The following GNAL variants were observed in gnomAD, a reference collection of about 807,000 sequenced individuals.
GNAL encodes the protein G protein subunit alpha L.
GNAL carries 18 observed loss-of-function variants against 55.1 expected under a neutral mutation model. That is an observed-to-expected ratio of 0.33 (90% CI 0.23 to 0.48). GNAL has a LOEUF of 0.48. Among genes scored for constraint, GNAL ranks in the 20% least tolerant of loss-of-function variants. GNAL has a pLI of 0.99. For synonymous variants in GNAL, 253 were observed against 237.0 expected (o/e 1.07, Z -0.62); for missense variants, 412 against 614.1 (o/e 0.67, Z 3.48).
intron 4 of GNAL, among the ~76,000 whole-genome samples, chr18:11,811,666 T>C (rs1323525817): frequency 6.6e-6 from 1 of 152,232 alleles, no homozygotes; most frequent in Non-Finnish European, 1.5e-5. Context: ...TTTAATTCTA[T>C]AGTCACTGTC....
chr18:11,847,919 G>A (rs988862379), intron 5 of GNAL, among the ~76,000 whole-genome samples: 2 of 152,158 alleles, frequency 1.3e-5, no homozygotes, highest in African/African-American at 2.4e-5. Context: ...ATAAAGAATG[G>A]AAAAAACTTA....
intron 1 of GNAL, among the ~76,000 whole-genome samples, chr18:11,696,945 G>GCACC (rs764022738): frequency 3.9e-5 from 6 of 152,160 alleles, no homozygotes; most frequent in Non-Finnish European, 8.8e-5. Context: ...CCTTGTCCGA[G>GCACC]GCCCTTAGCA....
chr18:11,832,950 G>C (rs1727099529), intron 5 of GNAL, among the ~76,000 whole-genome samples: 1 of 151,850 alleles, frequency 6.6e-6, no homozygotes, highest in Non-Finnish European at 1.5e-5. Context: ...ATATACTGTT[G>C]AACTTATTAA....
chr18:11,778,569 G>A (rs191688151), intron 4 of GNAL, among the ~76,000 whole-genome samples: 1 of 152,250 alleles, frequency 6.6e-6, no homozygotes, highest in Non-Finnish European at 1.5e-5. Flanking sequence ...CTCAGTATCT[G>A]GAGCTTTAGT....
In GNAL at chr18:11,881,217, T is replaced by A; in HGVS notation, c.*82T>A. 1 of 1,328,002 alleles carries A rather than the reference T, an allele frequency of 7.5e-7. No homozygotes were observed. Among genetic ancestry groups the A allele is most frequent in the South Asian group, 1.4e-5 (1 of 72,884 alleles). The allele number at this position is 1,328,002 out of a possible 1,614,324, so 82.3% of individuals were successfully genotyped here. On this transcript the variant is annotated 3_prime_UTR_variant, in exon 12 of 12. Coordinates refer to ENST00000334049, the MANE Select transcript of GNAL (RefSeq NM_182978.4). The surrounding 1 kb of genome is among the most constrained non-coding windows in gnomAD (Gnocchi z 4.8). The stretch of plus-strand genomic sequence containing the variant: ...CCATGCCATGGTAGGAGGCAGAGTC[T>A]CTAGTTCCATCTCGCTGCCGTCTGT...
intron 1 of GNAL, among the ~76,000 whole-genome samples, chr18:11,723,066 C>T (rs1034765701): frequency 6.6e-6 from 1 of 150,912 alleles, no homozygotes; most frequent in African/African-American, 2.4e-5. Flanking sequence ...TGCCTGTAAT[C>T]CCAGCTACTC....
At chr18:11,869,626 A>C (rs2036348365) in intron 9 of GNAL, among the ~76,000 whole-genome samples, 1 of 152,258 alleles carries the variant, frequency 6.6e-6, no homozygotes, top group Non-Finnish European at 1.5e-5. Flanking sequence ...ACAACAAAAA[A>C]TAATACAAGA....
At chr18:11,699,415 A>C (rs2031504415) in intron 1 of GNAL, among the ~76,000 whole-genome samples, 1 of 151,738 alleles carries the variant, frequency 6.6e-6, no homozygotes, top group African/African-American at 2.4e-5. Context: ...GGGTTTTACC[A>C]TGTTGGACAG....
intron 4 of GNAL, among the ~76,000 whole-genome samples, chr18:11,770,313 C>T (rs1223888148): frequency 2.6e-5 from 4 of 152,046 alleles, no homozygotes; most frequent in African/African-American, 9.7e-5. Context: ...ATTAAACTTA[C>T]CTCAATGATT....
intron 5 of GNAL, among the ~76,000 whole-genome samples, chr18:11,837,872 G>A (rs1236198494): frequency 1.3e-5 from 2 of 152,182 alleles, no homozygotes; most frequent in African/African-American, 2.4e-5. Flanking sequence ...TGGGCATGGT[G>A]GCTCACACCT....
intron 11 of GNAL, among the ~76,000 whole-genome samples, chr18:11,880,201 G>A (rs2036637709): frequency 6.6e-6 from 1 of 151,370 alleles, no homozygotes; most frequent in Non-Finnish European, 1.5e-5. Context: ...AGGTTGCAGT[G>A]AGCCGAGATG....
At chr18:11,826,227 G>A (rs2035240055) in intron 5 of GNAL, among the ~76,000 whole-genome samples, 1 of 151,572 alleles carries the variant, frequency 6.6e-6, no homozygotes. Context: ...AGGGGCCCAT[G>A]GCAAGGGCCA....
Position 11,751,759 on chromosome 18 carries a change from C to T in GNAL, c.377-1094C>T, listed in dbSNP as rs1442252717. 4.5e-6 allele frequency: 3 copies of T among 665,192 alleles called. No individual in the cohort carries two copies. Among genetic ancestry groups the T allele is most frequent in the Non-Finnish European group, 5.6e-6 (3 of 536,864 alleles). 41.2% of individuals were successfully genotyped at this position (665,192 alleles called of 1,614,324 possible). A position where few individuals can be genotyped will look rare whatever the true frequency, so the allele number is the denominator to read the frequency against. ...TGGGGGGTCAGCTCCCTGACCCCTA[C>T]AGCGCGGTAGCGCCTCTCCGAGAGC... On this transcript the variant is annotated intron_variant, in intron 1 of 11. Coordinates refer to ENST00000334049, the MANE Select transcript of GNAL (RefSeq NM_182978.4). This position sits in a 1 kb window ranked among gnomAD's most constrained non-coding sequence, Gnocchi z 4.5.
At chr18:11,740,360 T>C (rs1420520753) in intron 1 of GNAL, among the ~76,000 whole-genome samples, 1 of 152,106 alleles carries the variant, frequency 6.6e-6, no homozygotes, top group African/African-American at 2.4e-5. Flanking sequence ...CCCAGTTAGC[T>C]ATTTCTCTAA....
intron 1 of GNAL, among the ~76,000 whole-genome samples, chr18:11,722,639 G>A (rs552286658): frequency 2.6e-5 from 4 of 152,322 alleles, no homozygotes; most frequent in Admixed American, 2.6e-4. Flanking sequence ...GGGAGGCCAA[G>A]GTGGGCAGAT....
intron 4 of GNAL, among the ~76,000 whole-genome samples, chr18:11,808,419 C>G (rs970587341): frequency 6.6e-6 from 1 of 152,198 alleles, no homozygotes; most frequent in African/African-American, 2.4e-5. Context: ...GGGACTATCT[C>G]TGTGCGAATT....
At chr18:11,746,013 T>C (rs2032680373) in intron 1 of GNAL, 1 of 305,504 alleles carries the variant, frequency 3.3e-6, no homozygotes. Context: ...ACCTAGGGAG[T>C]CGGGTTTTGT....
rs1426636797 is a variant in GNAL, at chr18:11,792,257, C to T, written c.625-32661C>T. On this transcript the variant is annotated intron_variant, in intron 4 of 11. Transcript: ENST00000334049. ...GGAGTGCAGTGGCGTGCAATCTCAGCTTACTGCAACTTCTACCTCCCGAGT... is the reference window on the plus strand; with the variant it reads ...GGAGTGCAGTGGCGTGCAATCTCAGTTTACTGCAACTTCTACCTCCCGAGT... Among the ~76,000 whole-genome samples, 3 of 152,142 alleles carry T rather than the reference C, an allele frequency of 2.0e-5. No individual in the cohort carries two copies. The East Asian group carries it at 5.8e-4, about 29-fold the overall frequency.
At chr18:11,846,147 T>G (rs2035729926) in intron 5 of GNAL, among the ~76,000 whole-genome samples, 1 of 152,178 alleles carries the variant, frequency 6.6e-6, no homozygotes, top group African/African-American at 2.4e-5. Flanking sequence ...TGAGATTTCA[T>G]TTTCAGCTTC....
Sources: allele counts gnomAD v4.1 joint callset (sites outside exome capture counted in the v4.1 genomes callset), GRCh38; gene constraint gnomAD v4.1.1; non-coding constraint Gnocchi (gnomAD v3.1); transcripts MANE v1.5; gene names NCBI Gene and HGNC (gene_info 2026-07-23, HGNC 2026-07-21).